Variants in TMEM108 observed in about 807,000 individuals in gnomAD.
The protein encoded by TMEM108 is transmembrane protein 108, also known as cancer/testis antigen 124.
In TMEM108, 12 loss-of-function variants were observed where a neutral mutation model predicts 35.1. That is an observed-to-expected ratio of 0.34 (90% confidence interval 0.22 to 0.55). The LOEUF is 0.55. TMEM108 is among the 20% of genes least tolerant of loss of function. TMEM108 has a pLI of 0.89. For missense variants in TMEM108, 680 were observed against 753.3 expected, an observed-to-expected ratio of 0.90 and a Z score of 1.14; for synonymous variants, 287 against 308.6, an observed-to-expected ratio of 0.93 and a Z score of 0.73.
chr3:133,149,804 T>C (rs1003885965), intron 2 of TMEM108, among the ~76,000 whole-genome samples: 2 of 152,170 alleles, frequency 1.3e-5, no homozygotes, highest in Non-Finnish European at 2.9e-5. Context: ...CATGTATGTG[T>C]ACCAGATACA....
At chr3:133,044,986 G>C (rs1270746892) in intron 1 of TMEM108, among the ~76,000 whole-genome samples, 2 of 96,968 alleles carry the variant, frequency 2.1e-5, no homozygotes, top group Admixed American at 2.2e-4. Flanking sequence ...TTTTTTTTTT[G>C]AGACGGAGTC....
chr3:133,291,248 C>A (rs1054019908), intron 3 of TMEM108, among the ~76,000 whole-genome samples: 58 of 144,676 alleles, frequency 4.0e-4, no homozygotes, highest in African/African-American at 1.3e-3. Context: ...GTTTAAATTA[C>A]CACCGTGGAG....
chr3:133,204,057 T>C (rs1945713536), intron 2 of TMEM108, among the ~76,000 whole-genome samples: 1 of 152,190 alleles, frequency 6.6e-6, no homozygotes, highest in African/African-American at 2.4e-5. Flanking sequence ...ATCCATTCCT[T>C]CTAGATTTTC....
intron 3 of TMEM108, chr3:133,247,656 A>T (rs1229315126): frequency 5.2e-5 from 5 of 95,676 alleles, no homozygotes; most frequent in Admixed American, 9.7e-5. Context: ...AAAAAATAAA[A>T]AATAAATAAA....
At chr3:133,273,890 A>C (rs1576426336) in intron 3 of TMEM108, among the ~76,000 whole-genome samples, 1 of 152,202 alleles carries the variant, frequency 6.6e-6, no homozygotes, top group African/African-American at 2.4e-5. Flanking sequence ...AGTCAGACCA[A>C]GCAGTCTTAT....
chr3:133,071,451 T>G (rs1943675100), intron 2 of TMEM108, among the ~76,000 whole-genome samples: 1 of 152,204 alleles, frequency 6.6e-6, no homozygotes, highest in South Asian at 2.1e-4. Context: ...TTAACTTAAT[T>G]ATCTCTTTAA....
intron 3 of TMEM108, among the ~76,000 whole-genome samples, chr3:133,329,602 A>G (rs1262839200): frequency 6.6e-6 from 1 of 152,206 alleles, no homozygotes; most frequent in Non-Finnish European, 1.5e-5. Context: ...TCAGACAAGA[A>G]GGTCTTTTGG....
rs150967737 is a variant in TMEM108 at position 133,138,002 on chromosome 3, G to C, written c.-46-91264G>C. 1.4e-3 allele frequency among the ~76,000 whole-genome samples: 210 copies of C among 152,330 alleles called. 1 individual carries two copies. Among genetic ancestry groups the C allele is most frequent in the African/African-American group, 4.6e-3 (193 of 41,576 alleles). On this transcript the variant is annotated intron_variant, in intron 2 of 5. Coordinates refer to ENST00000321871, the MANE Select transcript of TMEM108 (RefSeq NM_023943.4). ...TGAGAACATGAATGGATAGCCTTTT[G>C]TTATGGAAACAAGTTGTGTTATACA... is the stretch of plus-strand genomic sequence containing the variant.
chr3:133,076,364 C>T (rs769675255), intron 2 of TMEM108, among the ~76,000 whole-genome samples: 22 of 151,598 alleles, frequency 1.5e-4, no homozygotes, highest in Non-Finnish European at 2.6e-4. Context: ...GTAAAGAGAC[C>T]GTGATATAGA....
chr3:133,397,763 A>G lies in TMEM108; in HGVS notation c.*1777A>G, dbSNP rs2073325992. 1 of 152,186 alleles carries G rather than the reference A, an allele frequency of 6.6e-6. No individual in the cohort carries two copies. Among genetic ancestry groups the G allele is most frequent in the Non-Finnish European group, 1.5e-5 (1 of 68,018 alleles). The allele number at this position is 152,186 out of a possible 1,614,324, so 9.4% of individuals were successfully genotyped here. On this transcript the variant is annotated 3_prime_UTR_variant, in exon 6 of 6. Coordinates refer to ENST00000321871, the MANE Select transcript of TMEM108 (RefSeq NM_023943.4). The stretch of plus-strand genomic sequence containing the variant: ...ATGTATATATAAATAAACTTATTTT[A>G]TTAGCCAGAGGATTCTGTTGCTAAT...
intron 3 of TMEM108, among the ~76,000 whole-genome samples, chr3:133,332,808 G>C (rs926607615): frequency 2.6e-5 from 4 of 152,184 alleles, no homozygotes; most frequent in African/African-American, 9.7e-5. Flanking sequence ...AAACCATTAG[G>C]AAAGTGAATG....
intron 3 of TMEM108, among the ~76,000 whole-genome samples, chr3:133,371,613 C>CAAAAAAAAAAAAAAAAAAAAAAAA (rs3054624): frequency 5.1e-5 from 4 of 78,096 alleles, no homozygotes; most frequent in African/African-American, 2.4e-4. Flanking sequence ...CACAAACCCA[C>CAAAAAAAAAAAAAAAAAAAAAAAA]AAAAAAAAAA....
intron 2 of TMEM108, among the ~76,000 whole-genome samples, chr3:133,125,622 G>A (rs966170757): frequency 6.6e-6 from 1 of 152,156 alleles, no homozygotes; most frequent in African/African-American, 2.4e-5. Flanking sequence ...TTATCAGTCA[G>A]TCAATATTGT....
At chr3:133,085,527 C>T (rs1046780852) in intron 2 of TMEM108, among the ~76,000 whole-genome samples, 13 of 152,092 alleles carry the variant, frequency 8.5e-5, no homozygotes, top group Admixed American at 6.6e-4. Flanking sequence ...TTTTAATGCA[C>T]GTTACTGTGT....
chr3:133,055,368 T>C (rs1943454271), intron 2 of TMEM108, among the ~76,000 whole-genome samples: 1 of 152,198 alleles, frequency 6.6e-6, no homozygotes, highest in African/African-American at 2.4e-5. Flanking sequence ...TCTCATAGAA[T>C]CAGGAATTAA....
intron 3 of TMEM108, among the ~76,000 whole-genome samples, chr3:133,316,448 T>C (rs1386023814): frequency 6.6e-6 from 1 of 152,182 alleles, no homozygotes; most frequent in Non-Finnish European, 1.5e-5. Context: ...CATCATCACT[T>C]AGAGAGCTGT....
chr3:133,155,061 G>A (rs543439734), intron 2 of TMEM108, among the ~76,000 whole-genome samples: 116 of 151,934 alleles, frequency 7.6e-4, no homozygotes, highest in Non-Finnish European at 1.3e-3. Flanking sequence ...CTTTGTGTCC[G>A]TGTGTTCTTA....
intron 2 of TMEM108, among the ~76,000 whole-genome samples, chr3:133,167,522 C>A (rs1040739056): frequency 1.3e-4 from 20 of 152,262 alleles, no homozygotes; most frequent in Non-Finnish European, 2.8e-4. Flanking sequence ...GGCTACAGGT[C>A]CCAAGCCCTG....
At chr3:133,221,353 G>A (rs559120019) in intron 2 of TMEM108, among the ~76,000 whole-genome samples, 1 of 152,198 alleles carries the variant, frequency 6.6e-6, no homozygotes, top group South Asian at 2.1e-4. Context: ...TGTGTTGAAT[G>A]CTCCTATCAC....
Sources: allele counts gnomAD v4.1 joint callset (sites outside exome capture counted in the v4.1 genomes callset), GRCh38; gene constraint gnomAD v4.1.1; transcripts MANE v1.5; gene names NCBI Gene and HGNC (gene_info 2026-07-23, HGNC 2026-07-21).